The following SLC6A11 variants were observed in gnomAD, a reference collection of about 807,000 sequenced individuals.
The protein encoded by SLC6A11 is sodium- and chloride-dependent GABA transporter 3.
Under a neutral mutation model 74.8 loss-of-function variants are expected in SLC6A11, and 25 were observed. That is an observed-to-expected ratio of 0.33 (90% CI 0.24 to 0.47). The LOEUF (loss-of-function observed/expected upper bound fraction) is 0.47. SLC6A11 is among the 20% of genes least tolerant of loss of function. The probability of loss-of-function intolerance (pLI) is 1.00; values close to 1 mark genes in which losing one functional copy is unlikely to be tolerated. For synonymous variants in SLC6A11, 330 were observed against 330.2 expected (o/e 1.00, Z 0.01); for missense variants, 574 against 837.0 (o/e 0.69, Z 3.88).
rs571758757 is a variant in SLC6A11 at position 10,884,518 on chromosome 3, T to C, written c.891+9423T>C. On this transcript the variant is annotated intron_variant, in intron 6 of 13. Coordinates refer to ENST00000254488, the MANE Select transcript of SLC6A11 (RefSeq NM_014229.3). ...GCTCTACCAATGAGAGGACTGAGGCTCTGAGGGGCTGAAGCTTGCACAGCC... is the reference window on the plus strand; with the variant it reads ...GCTCTACCAATGAGAGGACTGAGGCCCTGAGGGGCTGAAGCTTGCACAGCC... 1.9e-3 allele frequency among the ~76,000 whole-genome samples: 284 copies of C among 152,278 alleles called. 2 individuals carry two copies. Among genetic ancestry groups the C allele is most frequent in the African/African-American group, 6.4e-3 (266 of 41,550 alleles).
intron 6 of SLC6A11, among the ~76,000 whole-genome samples, chr3:10,892,156 G>C (rs1051107416): frequency 2.6e-5 from 4 of 152,246 alleles, no homozygotes; most frequent in African/African-American, 9.6e-5. Context: ...AGTTGGCTGG[G>C]ATTGTGACAC....
In SLC6A11 at chr3:10,918,441, G is replaced by A; in HGVS notation, c.1108G>A (p.Val370Met). 1 of 1,604,422 alleles carries A rather than the reference G, an allele frequency of 6.2e-7. No homozygotes were observed. Among genetic ancestry groups the A allele is most frequent in the Non-Finnish European group, 8.5e-7 (1 of 1,176,282 alleles). Reference protein sequence around the residue: ...AYEQGVPIAEVAESGPGLAFI... With the variant: ...AYEQGVPIAEMAESGPGLAFI... ...CGAGCAGGGGGTACCCATTGCTGAG[G>A]TGGCAGAGTCAGGTAAGTTCGCCAA... The change falls in exon 8 of 14, where the codon GTG becomes ATG. Residue 370 changes from valine (V) to methionine (M), a missense_variant. Transcript: ENST00000254488. This position sits in a 1 kb window ranked among gnomAD's most constrained non-coding sequence, Gnocchi z 4.5.
chr3:10,892,128 G>A (rs770313138), intron 6 of SLC6A11, among the ~76,000 whole-genome samples: 4 of 152,212 alleles, frequency 2.6e-5, no homozygotes, highest in African/African-American at 4.8e-5. Flanking sequence ...GCAAGATGAC[G>A]GGTCTTTGAT....
intron 1 of SLC6A11, 51 bp from the exon 2 acceptor site, chr3:10,819,414 A>G (rs779321887): frequency 6.4e-7 from 1 of 1,562,042 alleles, no homozygotes; most frequent in African/African-American, 1.4e-5. Context: ...TCTTGAGCCA[A>G]GTATGAATCG....
chr3:10,835,000 G>T (rs1042276658), intron 4 of SLC6A11, among the ~76,000 whole-genome samples: 1 of 152,160 alleles, frequency 6.6e-6, no homozygotes, highest in African/African-American at 2.4e-5. Flanking sequence ...ATGCACCCAG[G>T]CTGGGACCAG....
chr3:10,844,067 C>A, intron 4 of SLC6A11, 147 bp from the exon 5 acceptor site: 3 of 848,510 alleles, frequency 3.5e-6, no homozygotes, highest in Non-Finnish European at 5.4e-6. Context: ...CTCTTGGAGG[C>A]CCCAAGTCCT....
chr3:10,886,168 C>T (rs567996993), intron 6 of SLC6A11, among the ~76,000 whole-genome samples: 149 of 152,298 alleles, frequency 9.8e-4, no homozygotes, highest in African/African-American at 3.4e-3. Flanking sequence ...TAGTGGTTTC[C>T]GTTATTTTGT....
At chr3:10,840,035 T>G (rs1025357634) in intron 4 of SLC6A11, among the ~76,000 whole-genome samples, 2 of 152,110 alleles carry the variant, frequency 1.3e-5, no homozygotes, top group African/African-American at 4.8e-5. Context: ...CCCTGACCGT[T>G]CATTCCTCCC....
intron 7 of SLC6A11, 82 bp downstream of exon 7, chr3:10,912,275 G>A: frequency 1.0e-6 from 1 of 959,124 alleles, no homozygotes. Context: ...ATGTTTGTCT[G>A]CCCACCTTGC....
At chr3:10,865,078 C>T (rs2106597176) in intron 5 of SLC6A11, among the ~76,000 whole-genome samples, 1 of 152,338 alleles carries the variant, frequency 6.6e-6, no homozygotes, top group East Asian at 1.9e-4. Context: ...GCCAAGGCCA[C>T]TCACTCACTG....
Position 10,839,607 on chromosome 3 carries a change from C to T in SLC6A11, c.624-4607C>T, listed in dbSNP as rs1694411732. On this transcript the variant is annotated intron_variant, in intron 4 of 13. Transcript: ENST00000254488. ...GGGGTTGTGGGGGCTTGGTCGCAGGCCCCATCTTTCCCCCTTCTTCAGGTC... is the reference window on the plus strand; with the variant it reads ...GGGGTTGTGGGGGCTTGGTCGCAGGTCCCATCTTTCCCCCTTCTTCAGGTC... Among the ~76,000 whole-genome samples, 2 of 152,210 alleles carry T rather than the reference C, an allele frequency of 1.3e-5. 1 individual carries two copies. The highest frequency in any genetic ancestry group is 4.1e-4 in the South Asian group (2 of 4,826).
intron 4 of SLC6A11, among the ~76,000 whole-genome samples, chr3:10,826,994 C>G (rs1694218692): frequency 6.6e-6 from 1 of 152,214 alleles, no homozygotes; most frequent in African/African-American, 2.4e-5. Context: ...TCTGTATCAT[C>G]CATGTGGTGT....
intron 6 of SLC6A11, among the ~76,000 whole-genome samples, chr3:10,889,032 G>T (rs112298808): frequency 4.9e-4 from 75 of 152,110 alleles, no homozygotes; most frequent in African/African-American, 1.7e-3. Context: ...AGTGGGGGAG[G>T]ATCTTTAACC....
At chr3:10,856,587 T>C (rs751293409) in intron 5 of SLC6A11, among the ~76,000 whole-genome samples, 2 of 152,194 alleles carry the variant, frequency 1.3e-5, no homozygotes. Context: ...AACCCAGGTC[T>C]ACCAAGGTAG....
At chr3:10,844,489 C>T in intron 5 of SLC6A11, 143 bp downstream of exon 5, 1 of 952,754 alleles carries the variant, frequency 1.0e-6, no homozygotes, top group African/African-American at 1.6e-5. Flanking sequence ...AGAGTGAGCT[C>T]TACCCACCCT....
In SLC6A11 at chr3:10,868,054, G is replaced by A. The variant is rs555931228; in HGVS notation, c.757-6907G>A. Among the ~76,000 whole-genome samples the A allele has an allele frequency of 3.3e-5, 5 of 152,218 alleles. No individual in the cohort carries two copies. The South Asian group carries it at 1.0e-3, about 32-fold the overall frequency. On this transcript the variant is annotated intron_variant, in intron 5 of 13. Transcript: ENST00000254488. ...GATAATATTAAGTAAATAATACAAA[G>A]GTGCTATGTGTATATGGCCAAAAAA...
At chr3:10,818,090 A>G (rs1393387257) in intron 1 of SLC6A11, among the ~76,000 whole-genome samples, 2 of 151,434 alleles carry the variant, frequency 1.3e-5, no homozygotes, top group African/African-American at 4.8e-5. Context: ...TTTTTTAAAA[A>G]AAAAGGTTGT....
In SLC6A11 at chr3:10,882,180, C is replaced by T. The variant is rs143877434; in HGVS notation, c.891+7085C>T. On this transcript the variant is annotated intron_variant, in intron 6 of 13. Coordinates refer to ENST00000254488, the MANE Select transcript of SLC6A11 (RefSeq NM_014229.3). ...CAGCCAGGAAACCTGAGGGCTGAGACGGCACAGCAAGTCATTTCTACTCCT... is the reference window on the plus strand; with the variant it reads ...CAGCCAGGAAACCTGAGGGCTGAGATGGCACAGCAAGTCATTTCTACTCCT... Among the ~76,000 whole-genome samples the T allele has an allele frequency of 4.9e-3, 740 of 152,292 alleles. 5 individuals carry two copies. Among genetic ancestry groups the T allele is most frequent in the African/African-American group, 0.015 (622 of 41,562 alleles).
At chr3:10,903,058 G>A (rs1453425179) in intron 6 of SLC6A11, among the ~76,000 whole-genome samples, 1 of 152,198 alleles carries the variant, frequency 6.6e-6, no homozygotes, top group Non-Finnish European at 1.5e-5. Context: ...GTGATCATCA[G>A]CATGACTATC....
Sources: allele counts gnomAD v4.1 joint callset (sites outside exome capture counted in the v4.1 genomes callset), GRCh38; gene constraint gnomAD v4.1.1; non-coding constraint Gnocchi (gnomAD v3.1); transcripts MANE v1.5; gene names NCBI Gene and HGNC (gene_info 2026-07-23, HGNC 2026-07-21).